The following GIGYF2 variants were observed in gnomAD, a reference collection of about 807,000 sequenced individuals.
The protein encoded by GIGYF2 is GRB10-interacting GYF protein 2.
Under a neutral mutation model 208.1 loss-of-function variants are expected in GIGYF2, and 25 were observed. That is an observed-to-expected ratio of 0.12 (90% confidence interval 0.09 to 0.17). GIGYF2 has a LOEUF of 0.17. Among genes scored for constraint, GIGYF2 ranks in the 10% least tolerant of loss-of-function variants. The probability of loss-of-function intolerance (pLI) is 1.00; values close to 1 mark genes in which losing one functional copy is unlikely to be tolerated. For missense variants in GIGYF2, 1,302 were observed against 1,579.4 expected (o/e 0.82, Z 2.98); for synonymous variants, 534 against 543.8 (o/e 0.98, Z 0.25).
At chr2:232,800,139 C>G (rs894437262) in intron 14 of GIGYF2, among the ~76,000 whole-genome samples, 2 of 151,064 alleles carry the variant, frequency 1.3e-5, no homozygotes, top group Admixed American at 6.6e-5. Flanking sequence ...TCAAGAAGTC[C>G]AATTTGTCTA....
chr2:232,756,361 AAT>A (rs1187628021), intron 6 of GIGYF2, 27 bp downstream of exon 6: 1 of 1,182,274 alleles, frequency 8.5e-7, no homozygotes, highest in African/African-American at 1.5e-5. Context: ...AAAAAGTAAT[AAT>A]GGAGGAGGAG....
In GIGYF2 at chr2:232,813,881, ATTTTTT is replaced by A. The variant is rs397871962; in HGVS notation, c.2107+1409_2107+1414del. Among the ~76,000 whole-genome samples, 9 of 73,540 alleles carry A rather than the reference ATTTTTT, an allele frequency of 1.2e-4. 1 individual carries two copies. Among genetic ancestry groups the A allele is most frequent in the Admixed American group, 9.8e-4 (6 of 6,144 alleles). 48.2% of individuals were successfully genotyped at this position (73,540 alleles called of 152,430 possible). On this transcript the variant is annotated intron_variant, in intron 18 of 28. Coordinates refer to ENST00000373563, the MANE Select transcript of GIGYF2 (RefSeq NM_001103146.3). ...AGCATTGACATGATTTCACAAGTGG[ATTTTTT>A]TTTTTTTTTTTTTTTTTTGAGACAG...
At position 232,806,606 on chromosome 2, in the gene GIGYF2, A is replaced by G. The variant is rs937520300; in HGVS notation, c.1755A>G (p.Lys585=). The G allele has an allele frequency of 3.1e-6, 5 of 1,613,368 alleles. No homozygotes were observed. Among genetic ancestry groups the G allele is most frequent in the Non-Finnish European group, 4.2e-6 (5 of 1,179,422 alleles). The change falls in exon 15 of 29, where the codon AAA becomes AAG. Residue 585 remains lysine, a synonymous_variant. Transcript: ENST00000373563. The surrounding 1 kb of genome is among the most constrained non-coding windows in gnomAD (Gnocchi z 4.0). ...TCCAACCTCTTGGCGATATCATGAA[A>G]ATGTGGGGAAGGGTTCCCTTTTCTC... is the stretch of plus-strand genomic sequence containing the variant. The part of the protein sequence containing the change: ...ESFQPLGDIM[K]MWGRVPFSPG...
intron 28 of GIGYF2, among the ~76,000 whole-genome samples, chr2:232,851,201 C>T (rs1204202021): frequency 1.3e-5 from 2 of 152,096 alleles, no homozygotes; most frequent in Non-Finnish European, 2.9e-5. Context: ...CCTATAGTCC[C>T]AGCTACTTGG....
intron 28 of GIGYF2, among the ~76,000 whole-genome samples, chr2:232,851,892 G>A (rs1465766184): frequency 6.6e-6 from 1 of 152,186 alleles, no homozygotes; most frequent in Admixed American, 6.5e-5. Flanking sequence ...TTGGAATAGG[G>A]TTTTGGTAGT....
At chr2:232,729,598 A>G in intron 2 of GIGYF2, 4 of 1,325,668 alleles carry the variant, frequency 3.0e-6, no homozygotes, top group South Asian at 1.2e-5. Flanking sequence ...TCTCCAGCTT[A>G]TCTGTTCCAA....
chr2:232,819,183 A>C (rs1306584868), intron 20 of GIGYF2, among the ~76,000 whole-genome samples: 1 of 152,116 alleles, frequency 6.6e-6, no homozygotes, highest in East Asian at 1.9e-4. Flanking sequence ...TGAAATGAGA[A>C]CTACGGTTAA....
intron 2 of GIGYF2, among the ~76,000 whole-genome samples, chr2:232,722,966 G>T (rs1188936784): frequency 6.6e-6 from 1 of 151,188 alleles, no homozygotes; most frequent in East Asian, 1.9e-4. Context: ...TTTTTTGTTG[G>T]TTTGTTTATT....
chr2:232,785,115 A>T (rs1297000407), intron 8 of GIGYF2, among the ~76,000 whole-genome samples: 1 of 151,800 alleles, frequency 6.6e-6, no homozygotes, highest in Non-Finnish European at 1.5e-5. Context: ...TAAATTACCC[A>T]GCCTCAGGTA....
intron 7 of GIGYF2, among the ~76,000 whole-genome samples, chr2:232,760,902 T>G (rs1698721341): frequency 6.6e-6 from 1 of 151,804 alleles, no homozygotes; most frequent in Admixed American, 6.6e-5. Flanking sequence ...CTATATTGTT[T>G]GTGGCTTTAT....
chr2:232,849,418 C>T (rs1202494696), intron 27 of GIGYF2, among the ~76,000 whole-genome samples: 1 of 152,158 alleles, frequency 6.6e-6, no homozygotes, highest in East Asian at 1.9e-4. Context: ...CCCTCCTCAG[C>T]CTCCCAAAGT....
intron 5 of GIGYF2, among the ~76,000 whole-genome samples, chr2:232,750,482 C>T (rs1414339462): frequency 6.6e-6 from 1 of 151,778 alleles, no homozygotes; most frequent in African/African-American, 2.4e-5. Flanking sequence ...ATATTTTCCG[C>T]CTTTTAATAC....
At position 232,859,713 on chromosome 2, in the gene GIGYF2, A is replaced by G. The variant is rs969426501; in HGVS notation, c.*2853A>G. The G allele has an allele frequency of 6.6e-6, 1 of 152,300 alleles. No homozygotes were observed. Among genetic ancestry groups the G allele is most frequent in the Admixed American group, 6.5e-5 (1 of 15,278 alleles). 9.4% of individuals were successfully genotyped at this position (152,300 alleles called of 1,614,324 possible). A position where few individuals can be genotyped will look rare whatever the true frequency, so the allele number is the denominator to read the frequency against. On this transcript the variant is annotated 3_prime_UTR_variant, in exon 29 of 29. Coordinates refer to ENST00000373563, the MANE Select transcript of GIGYF2 (RefSeq NM_001103146.3). ...GCTTAATGAATTAGGCAAGCTGTCC[A>G]AGATGGCTCACTCGTGTAATGACAG... is the stretch of plus-strand genomic sequence containing the variant.
chr2:232,708,598 G>T (rs979720405), intron 2 of GIGYF2, among the ~76,000 whole-genome samples: 1 of 151,470 alleles, frequency 6.6e-6, no homozygotes, highest in Non-Finnish European at 1.5e-5. Context: ...CACTTGAAAG[G>T]CTGAGGCAGG....
At chr2:232,715,117 TTC>T (rs1470497629) in intron 2 of GIGYF2, among the ~76,000 whole-genome samples, 1 of 152,250 alleles carries the variant, frequency 6.6e-6, no homozygotes, top group Non-Finnish European at 1.5e-5. Context: ...CATGATCTTT[TTC>T]TTTTTTATGG....
chr2:232,853,781 T>C (rs1690448790), intron 28 of GIGYF2, among the ~76,000 whole-genome samples: 1 of 152,220 alleles, frequency 6.6e-6, no homozygotes, highest in East Asian at 1.9e-4. Flanking sequence ...GAATCCGTGT[T>C]TGTGTTGCCT....
chr2:232,742,022 C>T (rs1444277581), intron 3 of GIGYF2, among the ~76,000 whole-genome samples: 2 of 146,822 alleles, frequency 1.4e-5, no homozygotes, highest in Non-Finnish European at 2.9e-5. Flanking sequence ...CACTTAACAT[C>T]TCCTTCCTAG....
In GIGYF2 at chr2:232,819,871, G is replaced by A; in HGVS notation, c.2415G>A (p.Arg805=). The part of the protein sequence containing the change: ...RRQREQEIAL[R]RQREEEERQQ... ...AGCGGGAGCAAGAAATTGCATTAAG[G>A]CGACAGCGAGAAGAGGAAGAAAGAC... The change falls in exon 21 of 29, where the codon AGG becomes AGA. Residue 805 remains arginine, a synonymous_variant. Transcript: ENST00000373563. 1 of 1,595,734 alleles carries A rather than the reference G, an allele frequency of 6.3e-7. No individual in the cohort carries two copies. The highest frequency in any genetic ancestry group is 8.5e-7 in the Non-Finnish European group (1 of 1,171,558).
At position 232,729,938 on chromosome 2, in the gene GIGYF2, A is replaced by G. The variant is rs1697380056; in HGVS notation, c.-43-5217A>G. 5.5e-6 allele frequency: 4 copies of G among 731,672 alleles called. 1 individual carries two copies. The highest frequency in any genetic ancestry group is 4.4e-5 in the South Asian group (3 of 67,968). The allele number at this position is 731,672 out of a possible 1,614,324, so 45.3% of individuals were successfully genotyped here. ...TACTATCTTTAGCTCCTCTTCCTAT[A>G]GTGTCTTCCATATCCACAGGACCAT... On this transcript the variant is annotated intron_variant, in intron 2 of 28. Coordinates refer to ENST00000373563, the MANE Select transcript of GIGYF2 (RefSeq NM_001103146.3).
Sources: gnomAD v4.1 joint callset for allele counts (sites outside exome capture counted in the v4.1 genomes callset) on GRCh38, gnomAD v4.1.1 for gene constraint, Gnocchi (gnomAD v3.1) non-coding constraint, MANE v1.5 for transcripts, NCBI Gene and HGNC (gene_info 2026-07-23, HGNC 2026-07-21) for gene names.